PFKFB2: variants seen among roughly 807,000 people sequenced by gnomAD.
The protein encoded by PFKFB2 is 6-phosphofructo-2-kinase/fructose-2,6-bisphosphatase 2.
Under a neutral mutation model 68.0 loss-of-function variants are expected in PFKFB2, and 53 were observed. The observed-to-expected ratio is 0.78, with a 90% CI of 0.63 to 0.98. The LOEUF is 0.98. Among genes scored for constraint, PFKFB2 ranks in the 50% least tolerant of loss-of-function variants. The pLI is 0.00. For missense variants in PFKFB2, 451 were observed against 642.0 expected, an observed-to-expected ratio of 0.70 and a Z score of 3.22; for synonymous variants, 222 against 227.6, an observed-to-expected ratio of 0.98 and a Z score of 0.22.
chr1:207,068,564 G>C (rs1365101770), intron 10 of PFKFB2, among the ~76,000 whole-genome samples: 1 of 152,014 alleles, frequency 6.6e-6, no homozygotes, highest in African/African-American at 2.4e-5. Context: ...CTGGCACCTG[G>C]GGAAAGTAGG....
At chr1:207,067,844 G>A in intron 9 of PFKFB2, 138 bp downstream of exon 9, 2 of 746,662 alleles carry the variant, frequency 2.7e-6, no homozygotes, top group Non-Finnish European at 2.2e-6. Flanking sequence ...TGCTCAAGGT[G>A]TGTTCTTGCT....
At chr1:207,052,171 T>C (rs1335114007), upstream of PFKFB2, 1 of 1,611,836 alleles carries the variant, frequency 6.2e-7, no homozygotes, top group Non-Finnish European at 8.5e-7. Flanking sequence ...GTAGTTCACT[T>C]GGTGCAAACT....
downstream of PFKFB2, chr1:207,080,706 T>A (rs1196039830): frequency 1.3e-5 from 2 of 150,972 alleles, no homozygotes; most frequent in Non-Finnish European, 2.9e-5. Flanking sequence ...TGTCAGGTTT[T>A]TTTTTGTTTG....
upstream of PFKFB2, chr1:207,049,181 G>A: frequency 6.2e-7 from 1 of 1,614,038 alleles, no homozygotes; most frequent in African/African-American, 1.3e-5. Context: ...TCCAGTGCTT[G>A]TACAAGAACA....
In PFKFB2 at chr1:207,071,172, G is replaced by A. The variant is rs374934247; in HGVS notation, c.1223-16G>A. The A allele has an allele frequency of 8.7e-6, 14 of 1,609,036 alleles. No individual in the cohort carries two copies. In the African/African-American group the frequency reaches 1.3e-4, roughly 15 times the overall value. ...AATACTAAGAGACTTCCCTCGCCTG[G>A]TCTTTCTGTTTTCAGATGAGCTACC... On this transcript the variant is annotated splice_polypyrimidine_tract_variant and intron_variant, in intron 12 of 14. Coordinates refer to ENST00000367080, the MANE Select transcript of PFKFB2 (RefSeq NM_006212.2).
intron 8 of PFKFB2, chr1:207,065,442 C>A: frequency 3.2e-6 from 1 of 310,214 alleles, no homozygotes; most frequent in Non-Finnish European, 4.7e-6. Flanking sequence ...CTGCTGCCCC[C>A]GGGGCTCAGG....
chr1:207,060,004 C>T (rs1012661695), intron 2 of PFKFB2, among the ~76,000 whole-genome samples: 4 of 152,156 alleles, frequency 2.6e-5, no homozygotes, highest in Non-Finnish European at 4.4e-5. Context: ...CCATCCTGTG[C>T]AGGGCCTTCC....
intron 1 of PFKFB2, among the ~76,000 whole-genome samples, chr1:207,041,536 C>T (rs969510737): frequency 6.6e-6 from 1 of 152,198 alleles, no homozygotes; most frequent in Non-Finnish European, 1.5e-5. Context: ...TTTCCAGCTT[C>T]ATCCATGTCC....
rs1001542942 is a variant in PFKFB2, at chr1:207,076,041, G to A, written c.*3670G>A. On this transcript the variant is annotated 3_prime_UTR_variant, in exon 15 of 15. Transcript: ENST00000367080. ...CCTATATCTTTGCCTCTGGTGTTTC[G>A]TTGTTGTTGTTATTGTTTGTTTGTT... The A allele has an allele frequency of 2.3e-4, 230 of 984,226 alleles. No homozygotes were observed. Among genetic ancestry groups the A allele is most frequent in the South Asian group, 3.8e-4 (8 of 21,272 alleles). The allele number at this position is 984,226 out of a possible 1,614,324, so 61.0% of individuals were successfully genotyped here.
At chr1:207,040,206 C>G (rs1682450583) in intron 1 of PFKFB2, among the ~76,000 whole-genome samples, 1 of 152,188 alleles carries the variant, frequency 6.6e-6, no homozygotes, top group Non-Finnish European at 1.5e-5. Flanking sequence ...GTATTGATTT[C>G]AAACCTGACT....
Position 207,070,033 on chromosome 1 carries a change from T to C in PFKFB2, c.1093-247T>C, listed in dbSNP as rs983972825. On this transcript the variant is annotated intron_variant, in intron 11 of 14. Coordinates refer to ENST00000367080, the MANE Select transcript of PFKFB2 (RefSeq NM_006212.2). This position sits in a 1 kb window ranked among gnomAD's most constrained non-coding sequence, Gnocchi z 4.2. ...GGAAGAAAAAACACACACACACAGG[T>C]TGAACTCACACTTCCTCTTCTTAAC... 5.3e-5 allele frequency among the ~76,000 whole-genome samples: 8 copies of C among 152,168 alleles called. No individual in the cohort carries two copies. Among genetic ancestry groups the C allele is most frequent in the Non-Finnish European group, 7.4e-5 (5 of 68,022 alleles).
At chr1:207,042,400 T>C (rs994287955) in intron 2 of PFKFB2, among the ~76,000 whole-genome samples, 1 of 151,352 alleles carries the variant, frequency 6.6e-6, no homozygotes, top group African/African-American at 2.4e-5. Flanking sequence ...TACGAAAAAT[T>C]AGCTGGGCGT....
rs1418254482 is a variant in PFKFB2 at position 207,035,670 on chromosome 1, C to CA, written c.-62+1201dup. 8.5e-3 allele frequency among the ~76,000 whole-genome samples: 1,266 copies of CA among 148,872 alleles called. 18 individuals carry two copies. The highest frequency in any genetic ancestry group is 0.031 in the African/African-American group (1,189 of 38,704). On this transcript the variant is annotated intron_variant, in intron 1 of 5. Transcript: ENST00000545806. ...CCTGTCTTAAAAACAAACAAACAAA[C>CA]AAACAAAAAAAACAAAAAAAGAAAA... is the stretch of plus-strand genomic sequence containing the variant.
Position 207,035,092 on chromosome 1 carries a change from A to T in PFKFB2, c.-62+620A>T, listed in dbSNP as rs2842734. 6,180 of 892,320 alleles carry T rather than the reference A, an allele frequency of 6.9e-3. 307 individuals are homozygous for T. The African/African-American group carries it at 0.1, about 15-fold the overall frequency. 55.3% of individuals were successfully genotyped at this position (892,320 alleles called of 1,614,324 possible). ...CATCATTTGAGGGGGTATGTGTGTC[A>T]TTGCTCTTAGTATGTAAATGCCTGT... On this transcript the variant is annotated intron_variant, in intron 1 of 5. Coordinates refer to the PFKFB2 transcript ENST00000545806.
Position 207,054,747 on chromosome 1 carries a change from C to G in PFKFB2, c.30C>G (p.Asn10Lys). 1 of 1,613,834 alleles carries G rather than the reference C, an allele frequency of 6.2e-7. No individual in the cohort carries two copies. Among genetic ancestry groups the G allele is most frequent in the Non-Finnish European group, 8.5e-7 (1 of 1,179,818 alleles). ...CTGGGGCATCTTCCTCAGAACAGAACAACAACAGCTATGAAACCAAAACCC... is the reference window on the plus strand; with the variant it reads ...CTGGGGCATCTTCCTCAGAACAGAAGAACAACAGCTATGAAACCAAAACCC... The part of the protein sequence containing the change: MSGASSSEQ[N>K]NNSYETKTPN... Residue 10 changes from asparagine to lysine, a missense_variant, in exon 2 of 15, where the codon AAC becomes AAG. Physicochemically the swap from Asn to Lys is moderately conservative, Grantham distance 94 (BLOSUM62 0). Coordinates refer to ENST00000367080, the MANE Select transcript of PFKFB2 (RefSeq NM_006212.2).
At chr1:207,078,995 A>G (rs1013008386), downstream of PFKFB2, 7 of 1,611,942 alleles carry the variant, frequency 4.3e-6, no homozygotes, top group African/African-American at 6.7e-5. Context: ...GCCCCTCCGC[A>G]GCGTCCCTCA....
At chr1:207,055,942 G>A (rs1682907842) in intron 2 of PFKFB2, among the ~76,000 whole-genome samples, 1 of 152,154 alleles carries the variant, frequency 6.6e-6, no homozygotes, top group South Asian at 2.1e-4. Flanking sequence ...GGTGCTAAGG[G>A]CAGAATACCC....
At position 207,071,217 on chromosome 1, in the gene PFKFB2, C is replaced by A. The variant is rs1205695827; in HGVS notation, c.1252C>A (p.His418Asn). 1 of 1,613,886 alleles carries A rather than the reference C, an allele frequency of 6.2e-7. No homozygotes were observed. Among genetic ancestry groups the A allele is most frequent in the South Asian group, 1.1e-5 (1 of 91,090 alleles). The change falls in exon 13 of 15, where the codon CAT becomes AAT. Residue 418 changes from histidine to asparagine, a missense_variant. Coordinates refer to ENST00000367080, the MANE Select transcript of PFKFB2 (RefSeq NM_006212.2). ...DELPYLRCPLHTIFKLTPVAY... is the reference protein window; with the variant it reads ...DELPYLRCPLNTIFKLTPVAY... ...GCTACCATACTTGAGATGCCCTCTC[C>A]ATACCATCTTCAAACTTACTCCTGT...
Position 207,036,868 on chromosome 1 carries a change from C to T in PFKFB2, c.-62+2396C>T, listed in dbSNP as rs368173522. On this transcript the variant is annotated intron_variant, in intron 1 of 5. Transcript: ENST00000545806. ...CTTTTTAAAATCTGCTGTCAGTTACCACACATCCAACTGCTTGTTAACTAA... is the reference window on the plus strand; with the variant it reads ...CTTTTTAAAATCTGCTGTCAGTTACTACACATCCAACTGCTTGTTAACTAA... Among the ~76,000 whole-genome samples, 4 of 152,258 alleles carry T rather than the reference C, an allele frequency of 2.6e-5. No homozygotes were observed. The East Asian group carries it at 7.7e-4, about 29-fold the overall frequency.
Sources: gnomAD v4.1 joint callset for allele counts (sites outside exome capture counted in the v4.1 genomes callset) on GRCh38, gnomAD v4.1.1 for gene constraint, Gnocchi (gnomAD v3.1) non-coding constraint, MANE v1.5 for transcripts, NCBI Gene and HGNC (gene_info 2026-07-23, HGNC 2026-07-21) for gene names.